LY86: variants seen among roughly 807,000 people sequenced by gnomAD.
LY86 encodes the protein MD-1, RP105-associated.
Under a neutral mutation model 17.3 loss-of-function variants are expected in LY86, and 20 were observed. The observed-to-expected ratio is 1.15, with a 90% CI of 0.81 to 1.68. LY86 has a LOEUF of 1.68. Among genes scored for constraint, LY86 ranks in the 40% most tolerant of loss-of-function variants. LY86 has a pLI of 0.00. For synonymous variants in LY86, 74 were observed against 70.6 expected, an observed-to-expected ratio of 1.05 and a Z score of -0.24; for missense variants, 200 against 191.9, an observed-to-expected ratio of 1.04 and a Z score of -0.25.
chr6:6,588,868 G>C lies in LY86; in HGVS notation c.134G>C (p.Cys45Ser). ...GGCTTGGAAGTGCTCTACCAGAGTT[G>C]CGGTAAGCCCTTGCAGTACACCCAT... ...DSGLEVLYQS[C>S]DPLQDFGFSV... Residue 45 changes from cysteine to serine, a missense_variant and splice_region_variant, in exon 1 of 5, where the codon TGC (cysteine) becomes TCC (serine). Coordinates refer to ENST00000230568, the MANE Select transcript of LY86 (RefSeq NM_004271.4). 6.2e-7 allele frequency: 1 copy of C among 1,613,936 alleles called. No homozygotes were observed. The highest frequency in any genetic ancestry group is 1.1e-5 in the South Asian group (1 of 91,076).
intron 4 of LY86, among the ~76,000 whole-genome samples, chr6:6,650,105 A>C (rs530859756): frequency 2.6e-5 from 4 of 152,306 alleles, no homozygotes; most frequent in African/African-American, 9.6e-5. Flanking sequence ...GAAGATGCAC[A>C]AGCCATGAAG....
chr6:6,590,483 G>A (rs4960214), intron 1 of LY86, among the ~76,000 whole-genome samples: 106,481 of 151,876 alleles, frequency 0.7, 37,429 homozygotes, highest in Non-Finnish European at 0.74. Context: ...GAGAGTAACC[G>A]AAACCTTGGA....
At chr6:6,621,399 T>TA (rs2113134929) in intron 1 of LY86, 1 of 152,380 alleles carries the variant, frequency 6.6e-6, no homozygotes, top group Admixed American at 6.5e-5. Flanking sequence ...GAAGGAGAAC[T>TA]ACTTTAAAAT....
intron 3 of LY86, 62 bp from the exon 4 acceptor site, chr6:6,649,563 G>A (rs4960227): frequency 0.036 from 37,364 of 1,036,464 alleles, 3,015 homozygotes; most frequent in East Asian, 0.28. Flanking sequence ...CACAAATCAT[G>A]TGAATGAATC....
At chr6:6,593,478 AG>A (rs1318461071) in intron 1 of LY86, among the ~76,000 whole-genome samples, 4 of 152,242 alleles carry the variant, frequency 2.6e-5, no homozygotes, top group African/African-American at 9.6e-5. Flanking sequence ...ACCATTATTT[AG>A]CCTAATGTCA....
intron 1 of LY86, among the ~76,000 whole-genome samples, chr6:6,589,380 A>G (rs1487831521): frequency 1.3e-5 from 2 of 152,228 alleles, no homozygotes; most frequent in Admixed American, 1.3e-4. Context: ...TCATGAATTC[A>G]GCAAGCACTT....
chr6:6,636,297 G>A (rs542579751), intron 3 of LY86, among the ~76,000 whole-genome samples: 18 of 152,258 alleles, frequency 1.2e-4, no homozygotes, highest in Middle Eastern at 6.8e-3. Flanking sequence ...CCTCAGTTTC[G>A]TCATCTGTAC....
intron 1 of LY86, chr6:6,621,267 T>C (rs1367879835): frequency 6.6e-6 from 1 of 152,196 alleles, no homozygotes; most frequent in East Asian, 1.9e-4. Flanking sequence ...AACTTTCCGA[T>C]GTTATTGCTT....
chr6:6,593,091 A>C (rs9405309), intron 1 of LY86, among the ~76,000 whole-genome samples: 44,629 of 152,208 alleles, frequency 0.29, 6,876 homozygotes, highest in Non-Finnish European at 0.35. Flanking sequence ...GCTGAAAACA[A>C]CACATGTATT....
intron 1 of LY86, among the ~76,000 whole-genome samples, chr6:6,612,303 G>C (rs185787267): frequency 6.6e-6 from 1 of 152,160 alleles, no homozygotes; most frequent in Non-Finnish European, 1.5e-5. Flanking sequence ...TAGTGGCCTT[G>C]CTAACTTCAG....
rs1192138070 is a variant in LY86, at chr6:6,651,315, C to T, written c.405+1638C>T. Among the ~76,000 whole-genome samples the T allele has an allele frequency of 2.6e-5, 4 of 152,318 alleles. No individual in the cohort carries two copies. In the South Asian group the frequency reaches 8.3e-4, roughly 32 times the overall value. ...ATAAAGAATCTCTAACTTAGTTTCACCTCTGGGTTTGTTTCCTTTCTTTCC... is the reference window on the plus strand; with the variant it reads ...ATAAAGAATCTCTAACTTAGTTTCATCTCTGGGTTTGTTTCCTTTCTTTCC... On this transcript the variant is annotated intron_variant, in intron 4 of 4. Coordinates refer to ENST00000230568, the MANE Select transcript of LY86 (RefSeq NM_004271.4).
At chr6:6,622,431 C>G (rs1581246126) in intron 1 of LY86, among the ~76,000 whole-genome samples, 1 of 152,142 alleles carries the variant, frequency 6.6e-6, no homozygotes, top group Non-Finnish European at 1.5e-5. Context: ...CTGTCTTTTT[C>G]AATACTGAGT....
At chr6:6,603,675 A>G (rs1332481912) in intron 1 of LY86, among the ~76,000 whole-genome samples, 1 of 150,850 alleles carries the variant, frequency 6.6e-6, no homozygotes, top group Non-Finnish European at 1.5e-5. Context: ...ACCAACAGTG[A>G]AGTTGTGTCT....
intron 1 of LY86, among the ~76,000 whole-genome samples, chr6:6,610,875 C>T (rs111626922): frequency 1.1e-4 from 16 of 152,218 alleles, no homozygotes; most frequent in Admixed American, 3.9e-4. Flanking sequence ...CCTGTGATGA[C>T]GGTGGAAACT....
chr6:6,614,007 C>G (rs528013077), intron 1 of LY86, among the ~76,000 whole-genome samples: 1 of 152,214 alleles, frequency 6.6e-6, no homozygotes, highest in South Asian at 2.1e-4. Context: ...TCCTTAGAAC[C>G]TTCTACTTAC....
At chr6:6,605,660 TG>T (rs1347582365) in intron 1 of LY86, among the ~76,000 whole-genome samples, 2 of 152,254 alleles carry the variant, frequency 1.3e-5, no homozygotes, top group African/African-American at 2.4e-5. Flanking sequence ...CTACTGTGTC[TG>T]GAATTGATGG....
intron 3 of LY86, among the ~76,000 whole-genome samples, chr6:6,645,565 C>T (rs1762096395): frequency 1.3e-5 from 2 of 152,002 alleles, no homozygotes; most frequent in Non-Finnish European, 2.9e-5. Context: ...CTGTGCCACC[C>T]TACAGCAATT....
chr6:6,596,878 G>A (rs115125095), intron 1 of LY86, among the ~76,000 whole-genome samples: 1,973 of 152,346 alleles, frequency 0.013, 16 homozygotes, highest in Non-Finnish European at 0.022. Flanking sequence ...AAGTAACTTA[G>A]TGAATAGGAA....
At chr6:6,654,415 G>A in intron 4 of LY86, 129 bp from the exon 5 acceptor site, 1 of 696,464 alleles carries the variant, frequency 1.4e-6, no homozygotes, top group Admixed American at 2.4e-5. Flanking sequence ...GGGTTGGCTT[G>A]TCTTGTTCTA....
Sources: allele counts gnomAD v4.1 joint callset (sites outside exome capture counted in the v4.1 genomes callset), GRCh38; gene constraint gnomAD v4.1.1; transcripts MANE v1.5; gene names NCBI Gene and HGNC (gene_info 2026-07-23, HGNC 2026-07-21).